The following ANKRD6 variants were observed in gnomAD, a reference collection of about 807,000 sequenced individuals.
ANKRD6 encodes ankyrin repeat domain 6.
In ANKRD6, 56 loss-of-function variants were observed where a neutral mutation model predicts 82.3. The observed-to-expected ratio is 0.68, with a 90% CI of 0.55 to 0.85. The LOEUF (loss-of-function observed/expected upper bound fraction) is 0.85. Among genes scored for constraint, ANKRD6 ranks in the 40% least tolerant of loss-of-function variants. The pLI is 0.00. For missense variants in ANKRD6, 852 were observed against 907.6 expected (o/e 0.94, Z 0.79); for synonymous variants, 347 against 352.1 (o/e 0.99, Z 0.16).
chr6:89,449,029 C>CAAAAAAAAAAAAAA (rs368751340), intron 1 of ANKRD6, among the ~76,000 whole-genome samples: 1 of 52,424 alleles, frequency 1.9e-5, no homozygotes, highest in East Asian at 5.6e-4. Context: ...GACTCCGTCT[C>CAAAAAAAAAAAAAA]AAAAAAAAAA....
intron 1 of ANKRD6, among the ~76,000 whole-genome samples, chr6:89,559,127 A>G (rs1293487905): frequency 2.0e-5 from 3 of 152,212 alleles, no homozygotes; most frequent in African/African-American, 7.2e-5. Context: ...ATGCAGTTCA[A>G]GTAATTTGGC....
At chr6:89,490,527 G>A (rs1213410544) in intron 1 of ANKRD6, among the ~76,000 whole-genome samples, 5 of 152,220 alleles carry the variant, frequency 3.3e-5, no homozygotes, top group Non-Finnish European at 7.3e-5. Flanking sequence ...AGTGACATGG[G>A]CCCTGCCCTG....
At chr6:89,620,720 T>C (rs1231531335) in intron 9 of ANKRD6, among the ~76,000 whole-genome samples, 1 of 152,198 alleles carries the variant, frequency 6.6e-6, no homozygotes, top group African/African-American at 2.4e-5. Context: ...CCACCTATTT[T>C]TTCTTGGTGA....
chr6:89,582,857 A>G (rs911237387), intron 2 of ANKRD6, among the ~76,000 whole-genome samples: 2 of 152,210 alleles, frequency 1.3e-5, no homozygotes, highest in African/African-American at 2.4e-5. Flanking sequence ...GGTGAGGATT[A>G]TATGAGGTAA....
chr6:89,548,273 G>A (rs1394040709), intron 1 of ANKRD6, among the ~76,000 whole-genome samples: 1 of 152,174 alleles, frequency 6.6e-6, no homozygotes, highest in Non-Finnish European at 1.5e-5. Flanking sequence ...CATATAAATA[G>A]AAGCATGCAC....
chr6:89,577,492 G>A (rs1380352859), intron 2 of ANKRD6, among the ~76,000 whole-genome samples: 1 of 150,288 alleles, frequency 6.7e-6, no homozygotes, highest in African/African-American at 2.4e-5. Context: ...AGTACCAACA[G>A]GTGTTTTGTC....
At chr6:89,480,039 C>T (rs1253073964) in intron 1 of ANKRD6, among the ~76,000 whole-genome samples, 2 of 152,150 alleles carry the variant, frequency 1.3e-5, no homozygotes, top group South Asian at 2.1e-4. Context: ...TCTTTAAGTT[C>T]CTCCTCCACC....
At chr6:89,582,786 C>T (rs1792857791) in intron 2 of ANKRD6, among the ~76,000 whole-genome samples, 1 of 152,210 alleles carries the variant, frequency 6.6e-6, no homozygotes, top group Admixed American at 6.5e-5. Context: ...TTATTAGCCT[C>T]CTTGAGCCTT....
chr6:89,496,179 C>G (rs1005217292), intron 1 of ANKRD6, among the ~76,000 whole-genome samples: 1 of 151,404 alleles, frequency 6.6e-6, no homozygotes, highest in Non-Finnish European at 1.5e-5. Context: ...CCACACTGCC[C>G]CCCCCCCCAC....
At position 89,594,742 on chromosome 6, in the gene ANKRD6, TTTTG is replaced by T. The variant is rs1295999667; in HGVS notation, c.121-1162_121-1159del. ...ATACTTCATAATTTCAGTTTAGTGT[TTTTG>T]TTTGTTTGTTTTTTAAGGCAGGGTC... On this transcript the variant is annotated intron_variant, in intron 2 of 15. Coordinates refer to ENST00000339746, the MANE Select transcript of ANKRD6 (RefSeq NM_001242809.2). Among the ~76,000 whole-genome samples, 14 of 152,190 alleles carry T rather than the reference TTTTG, an allele frequency of 9.2e-5. No individual in the cohort carries two copies. The East Asian group carries it at 1.7e-3, about 19-fold the overall frequency.
intron 1 of ANKRD6, among the ~76,000 whole-genome samples, chr6:89,544,645 C>T (rs1258257469): frequency 2.0e-5 from 3 of 151,904 alleles, no homozygotes; most frequent in South Asian, 2.1e-4. Flanking sequence ...ACCCAGGAGG[C>T]GGAGGTTGCA....
intron 1 of ANKRD6, among the ~76,000 whole-genome samples, chr6:89,462,865 GTTTTTTT>G (rs751083567): frequency 2.4e-5 from 3 of 127,490 alleles, no homozygotes; most frequent in Non-Finnish European, 3.4e-5. Context: ...TGAGTTTTTA[GTTTTTTT>G]TTTTTTTTTT....
intron 2 of ANKRD6, among the ~76,000 whole-genome samples, chr6:89,592,551 G>A (rs750493523): frequency 6.6e-6 from 1 of 152,156 alleles, no homozygotes. Context: ...TTAGAAAGGT[G>A]CCTCCAATCC....
intron 5 of ANKRD6, among the ~76,000 whole-genome samples, chr6:89,609,967 C>T (rs915124136): frequency 7.2e-5 from 11 of 152,086 alleles, no homozygotes; most frequent in African/African-American, 2.4e-4. Context: ...GAAACTCATG[C>T]GTCTCAAAGG....
chr6:89,550,023 G>GA (rs1287909991), intron 1 of ANKRD6, among the ~76,000 whole-genome samples: 2 of 152,152 alleles, frequency 1.3e-5, no homozygotes, highest in African/African-American at 4.8e-5. Flanking sequence ...CTGGGCCCAG[G>GA]AGTTTGAGGC....
Position 89,631,137 on chromosome 6 carries a change from A to G in ANKRD6, c.*133A>G. On this transcript the variant is annotated 3_prime_UTR_variant, in exon 16 of 16. Coordinates refer to ENST00000339746, the MANE Select transcript of ANKRD6 (RefSeq NM_001242809.2). ...TTTTAAAAAAATCACTAATTCTACA[A>G]TGTGCCAGATACATGTTTCCTATGC... 10 of 1,376,994 alleles carry G rather than the reference A, an allele frequency of 7.3e-6. No homozygotes were observed. Among genetic ancestry groups the G allele is most frequent in the Non-Finnish European group, 9.4e-6 (10 of 1,061,320 alleles). 85.3% of individuals were successfully genotyped at this position (1,376,994 alleles called of 1,614,324 possible). A position where few individuals can be genotyped will look rare whatever the true frequency, so the allele number is the denominator to read the frequency against.
chr6:89,541,797 G>T (rs1014014577), intron 1 of ANKRD6, among the ~76,000 whole-genome samples: 19 of 150,632 alleles, frequency 1.3e-4, no homozygotes, highest in Admixed American at 9.2e-4. Context: ...TTTTCATAGA[G>T]ATATATATAT....
chr6:89,473,413 AAAAG>A (rs971865367), intron 1 of ANKRD6, among the ~76,000 whole-genome samples: 20 of 152,048 alleles, frequency 1.3e-4, no homozygotes, highest in Admixed American at 3.3e-4. Flanking sequence ...AAAAAAAAAA[AAAAG>A]AAAGAAAGAA....
chr6:89,475,827 C>T (rs763781558), intron 1 of ANKRD6, among the ~76,000 whole-genome samples: 1 of 152,196 alleles, frequency 6.6e-6, no homozygotes, highest in Non-Finnish European at 1.5e-5. Flanking sequence ...CCCATGTGCA[C>T]ATCCACCCAC....
Sources: gnomAD v4.1 joint callset for allele counts (sites outside exome capture counted in the v4.1 genomes callset) on GRCh38, gnomAD v4.1.1 for gene constraint, MANE v1.5 for transcripts, NCBI Gene and HGNC (gene_info 2026-07-23, HGNC 2026-07-21) for gene names.